The following PLEKHG4B variants were observed in gnomAD, a reference collection of about 807,000 sequenced individuals.
PLEKHG4B encodes pleckstrin homology domain-containing family G member 4B.
Under a neutral mutation model 121.3 loss-of-function variants are expected in PLEKHG4B, and 111 were observed. That is an observed-to-expected ratio of 0.92 (90% CI 0.78 to 1.07). The LOEUF is 1.07. Among genes scored for constraint, PLEKHG4B ranks in the 50% least tolerant of loss-of-function variants. The pLI is 0.00. For synonymous variants in PLEKHG4B, 738 were observed against 725.0 expected, an observed-to-expected ratio of 1.02 and a Z score of -0.29; for missense variants, 1,831 against 1,757.8, an observed-to-expected ratio of 1.04 and a Z score of -0.74.
chr5:107,699 G>T (rs1173315374), intron 1 of PLEKHG4B, among the ~76,000 whole-genome samples: 1 of 152,184 alleles, frequency 6.6e-6, no homozygotes, highest in African/African-American at 2.4e-5. Context: ...CTGGGCTGGG[G>T]CTTGGTAGGC....
At chr5:135,747 A>G (rs1292423303) in intron 2 of PLEKHG4B, among the ~76,000 whole-genome samples, 2 of 124,364 alleles carry the variant, frequency 1.6e-5, no homozygotes, top group Non-Finnish European at 3.3e-5. Context: ...GTACTACCCA[A>G]AGTGATCTAC....
chr5:125,361 T>A (rs541830079), intron 2 of PLEKHG4B, among the ~76,000 whole-genome samples: 94 of 152,318 alleles, frequency 6.2e-4, no homozygotes, highest in African/African-American at 2.1e-3. Context: ...TCTATAGCTA[T>A]TTTCCTTTTG....
chr5:153,349 T>G (rs940787453), intron 7 of PLEKHG4B, among the ~76,000 whole-genome samples: 2 of 152,216 alleles, frequency 1.3e-5, no homozygotes, highest in African/African-American at 2.4e-5. Flanking sequence ...CACATAATCC[T>G]GGACATTGTG....
At chr5:116,009 G>A (rs1304831776) in intron 2 of PLEKHG4B, among the ~76,000 whole-genome samples, 1 of 152,230 alleles carries the variant, frequency 6.6e-6, no homozygotes, top group African/African-American at 2.4e-5. Flanking sequence ...TCTAGGTGCA[G>A]GAGGCCTAGC....
At chr5:155,920 C>A in intron 9 of PLEKHG4B, 151 bp from the exon 10 acceptor site, 1 of 788,778 alleles carries the variant, frequency 1.3e-6, no homozygotes, top group Non-Finnish European at 1.9e-6. Flanking sequence ...CTGGGACAGT[C>A]CGGACCATCA....
At position 137,873 on chromosome 5, in the gene PLEKHG4B, G is replaced by T. The variant is rs1035557808; in HGVS notation, c.244-1610G>T. 6.6e-6 allele frequency among the ~76,000 whole-genome samples: 1 copy of T among 152,246 alleles called. No individual in the cohort carries two copies. The highest frequency in any genetic ancestry group is 6.5e-5 in the Admixed American group (1 of 15,288). ...ACCTGTCTCTTCTGGGGTGAAACCT[G>T]TGGAGGGGATGGAGGTGGCCCCACC... On this transcript the variant is annotated intron_variant, in intron 2 of 19. Transcript: ENST00000637938. This position sits in a 1 kb window ranked among gnomAD's most constrained non-coding sequence, Gnocchi z 4.2.
intron 5 of PLEKHG4B, chr5:144,163 A>G (rs1385738687): frequency 2.6e-5 from 4 of 152,714 alleles, no homozygotes; most frequent in Non-Finnish European, 5.8e-5. Flanking sequence ...TGTGTGAACA[A>G]TCAAATGAGA....
intron 1 of PLEKHG4B, among the ~76,000 whole-genome samples, chr5:101,030 A>G (rs1303161550): frequency 3.3e-4 from 24 of 73,698 alleles, no homozygotes; most frequent in Admixed American, 2.7e-3. Flanking sequence ...AGCCCTGGAA[A>G]AAGTCTGTAG....
chr5:97,840 G>A (rs1229578752), intron 1 of PLEKHG4B, among the ~76,000 whole-genome samples: 1 of 152,116 alleles, frequency 6.6e-6, no homozygotes, highest in Non-Finnish European at 1.5e-5. Context: ...ACAGTTCTGT[G>A]TAACTTTTTG....
At chr5:161,757 A>G in intron 11 of PLEKHG4B, 26 bp from the exon 12 acceptor site, 1 of 1,613,178 alleles carries the variant, frequency 6.2e-7, no homozygotes, top group Non-Finnish European at 8.5e-7. Flanking sequence ...CCGGGCTTGT[A>G]CTGATGCTTT....
intron 18 of PLEKHG4B, among the ~76,000 whole-genome samples, chr5:174,590 C>T (rs927130507): frequency 6.6e-6 from 1 of 152,134 alleles, no homozygotes; most frequent in Non-Finnish European, 1.5e-5. Flanking sequence ...GGGATGGGGT[C>T]ATTGCCCCGA....
At chr5:155,990 C>T in intron 9 of PLEKHG4B, 81 bp from the exon 10 acceptor site, 2 of 1,336,352 alleles carry the variant, frequency 1.5e-6, no homozygotes, top group Middle Eastern at 3.9e-4. Flanking sequence ...GGAAACAGGA[C>T]ATTCCTGCCA....
intron 2 of PLEKHG4B, among the ~76,000 whole-genome samples, chr5:116,162 T>G (rs781560572): frequency 1.3e-5 from 2 of 152,188 alleles, no homozygotes; most frequent in African/African-American, 4.8e-5. Context: ...TAGCCTAATT[T>G]CAATATTATT....
chr5:162,503 C>T (rs1173215971), intron 12 of PLEKHG4B, among the ~76,000 whole-genome samples: 2 of 152,242 alleles, frequency 1.3e-5, no homozygotes, highest in Non-Finnish European at 2.9e-5. Flanking sequence ...CCCACGGTGC[C>T]CTCTGGCATG....
At position 186,230 on chromosome 5, in the gene PLEKHG4B, G is replaced by T. The variant is rs986545013; in HGVS notation, c.*3907G>T. 6.6e-6 allele frequency: 1 copy of T among 152,188 alleles called. No homozygotes were observed. Among genetic ancestry groups the T allele is most frequent in the Non-Finnish European group, 1.5e-5 (1 of 68,044 alleles). 9.4% of individuals were successfully genotyped at this position (152,188 alleles called of 1,614,324 possible). ...TTACGTCCACACCAGCTGGCCCTGG[G>T]CACCTCTCTCTCTGGCCTTCTGTCC... On this transcript the variant is annotated 3_prime_UTR_variant, in exon 20 of 20. Transcript: ENST00000637938.
At chr5:173,727 A>G in intron 17 of PLEKHG4B, among the ~76,000 whole-genome samples, 191 bp from the exon 18 acceptor site, 1 of 151,244 alleles carries the variant, frequency 6.6e-6, no homozygotes, top group East Asian at 2.0e-4. Context: ...GCACACAGGC[A>G]CTCTCCCTGG....
At chr5:164,472 C>CAG (rs1332868104) in intron 13 of PLEKHG4B, among the ~76,000 whole-genome samples, 3 of 121,550 alleles carry the variant, frequency 2.5e-5, no homozygotes, top group Middle Eastern at 4.9e-3. Context: ...AATGTTGTGA[C>CAG]GGAGCAGAGC....
At chr5:173,831 T>C (rs1736653655) in intron 17 of PLEKHG4B, 87 bp from the exon 18 acceptor site, 1 of 1,457,800 alleles carries the variant, frequency 6.9e-7, no homozygotes. Flanking sequence ...CTGGGTGAAG[T>C]GACCTCCAGC....
rs1193292517 is a variant in PLEKHG4B, at chr5:143,034, T to A, written c.1478-13T>A. 6.2e-7 allele frequency: 1 copy of A among 1,611,410 alleles called. No homozygotes were observed. The highest frequency in any genetic ancestry group is 8.5e-7 in the Non-Finnish European group (1 of 1,178,418). ...AACCTTCATCTTTGACACGGCCTCTTTCCTTTGTCCAGACGTTCTTGCATC... is the reference window on the plus strand; with the variant it reads ...AACCTTCATCTTTGACACGGCCTCTATCCTTTGTCCAGACGTTCTTGCATC... On this transcript the variant is annotated splice_polypyrimidine_tract_variant and intron_variant, in intron 3 of 19. Coordinates refer to ENST00000637938, the MANE Select transcript of PLEKHG4B (RefSeq NM_052909.5).
Sources: gnomAD v4.1 joint callset for allele counts (sites outside exome capture counted in the v4.1 genomes callset) on GRCh38, gnomAD v4.1.1 for gene constraint, Gnocchi (gnomAD v3.1) non-coding constraint, MANE v1.5 for transcripts, NCBI Gene and HGNC (gene_info 2026-07-23, HGNC 2026-07-21) for gene names.